CSMD1: variants seen among roughly 807,000 people sequenced by gnomAD.
CSMD1 encodes CUB and Sushi multiple domains 1, also known as CUB and sushi domain-containing protein 1.
In CSMD1, 213 loss-of-function variants were observed where a neutral mutation model predicts 417.5. The observed-to-expected ratio is 0.51, with a 90% CI of 0.46 to 0.57. The LOEUF is 0.57. CSMD1 is among the 20% of genes least tolerant of loss of function. The pLI is 0.00. For missense variants in CSMD1, 6,923 were observed against 4,529.7 expected (o/e 1.53, Z -15.17); for synonymous variants, 2,862 against 1,736.8 (o/e 1.65, Z -16.11).
At chr8:3,357,326 A>G (rs936082241) in intron 21 of CSMD1, among the ~76,000 whole-genome samples, 2 of 152,168 alleles carry the variant, frequency 1.3e-5, no homozygotes, top group Non-Finnish European at 2.9e-5. Flanking sequence ...CCTTGGGCAA[A>G]GTTTGTAGAG....
At chr8:4,050,828 T>A (rs1798386921) in intron 3 of CSMD1, among the ~76,000 whole-genome samples, 1 of 152,178 alleles carries the variant, frequency 6.6e-6, no homozygotes, top group Admixed American at 6.5e-5. Context: ...CAAGTGCCAA[T>A]TTTTAAAATT....
intron 5 of CSMD1, among the ~76,000 whole-genome samples, chr8:3,964,506 A>G (rs1812544285): frequency 6.6e-6 from 1 of 152,180 alleles, no homozygotes; most frequent in African/African-American, 2.4e-5. Context: ...CTAGCCTGCC[A>G]TACTCCAAGC....
intron 1 of CSMD1, among the ~76,000 whole-genome samples, chr8:4,921,455 G>A (rs867391013): frequency 2.6e-5 from 4 of 152,200 alleles, no homozygotes; most frequent in South Asian, 2.1e-4. Flanking sequence ...AGATAAGAAT[G>A]TCTTTATACT....
At chr8:4,202,611 G>A (rs901775902) in intron 3 of CSMD1, among the ~76,000 whole-genome samples, 1 of 152,162 alleles carries the variant, frequency 6.6e-6, no homozygotes, top group South Asian at 2.1e-4. Context: ...ATCTCTTTGA[G>A]TATCATGGTG....
intron 3 of CSMD1, among the ~76,000 whole-genome samples, chr8:4,057,467 C>T (rs1051650826): frequency 1.3e-5 from 2 of 152,108 alleles, no homozygotes; most frequent in African/African-American, 4.8e-5. Context: ...TGAAAATTTT[C>T]ACCCATTTTG....
intron 7 of CSMD1, among the ~76,000 whole-genome samples, chr8:3,666,939 G>C (rs934728157): frequency 1.3e-5 from 2 of 152,188 alleles, no homozygotes; most frequent in Non-Finnish European, 1.5e-5. Flanking sequence ...AGGTGTAAGA[G>C]ATAGAGAAAT....
At chr8:3,557,530 C>G (rs1379332696) in intron 10 of CSMD1, among the ~76,000 whole-genome samples, 5 of 152,184 alleles carry the variant, frequency 3.3e-5, no homozygotes, top group East Asian at 1.9e-4. Context: ...AACAAACACT[C>G]TTTAAAAAGA....
chr8:4,439,138 C>T (rs1007039659), intron 2 of CSMD1, among the ~76,000 whole-genome samples: 1 of 152,094 alleles, frequency 6.6e-6, no homozygotes, highest in Non-Finnish European at 1.5e-5. Context: ...TCTATATCAC[C>T]TTGTTACTGC....
chr8:3,522,452 G>A (rs946577947), intron 10 of CSMD1, among the ~76,000 whole-genome samples: 1 of 152,170 alleles, frequency 6.6e-6, no homozygotes, highest in Admixed American at 6.5e-5. Flanking sequence ...CAGGCAAAGA[G>A]ACAGCTGCAT....
chr8:4,809,543 T>C (rs558666920), intron 1 of CSMD1, among the ~76,000 whole-genome samples: 365 of 152,294 alleles, frequency 2.4e-3, no homozygotes, highest in African/African-American at 8.5e-3. Flanking sequence ...AAAGAGGCCT[T>C]AGGTTTAAAA....
intron 4 of CSMD1, among the ~76,000 whole-genome samples, chr8:4,012,152 T>C (rs1182581410): frequency 1.3e-5 from 2 of 152,164 alleles, no homozygotes; most frequent in Non-Finnish European, 2.9e-5. Context: ...CCACATTTCA[T>C]TGAAACTGGA....
chr8:3,513,773 A>G (rs1385569615), intron 10 of CSMD1, among the ~76,000 whole-genome samples: 5 of 152,220 alleles, frequency 3.3e-5, no homozygotes, highest in Admixed American at 6.5e-5. Flanking sequence ...AGCTTCACCA[A>G]ACACATGAGA....
intron 1 of CSMD1, among the ~76,000 whole-genome samples, chr8:4,916,809 G>C (rs1046026952): frequency 6.6e-6 from 1 of 152,198 alleles, no homozygotes; most frequent in Non-Finnish European, 1.5e-5. Flanking sequence ...TATATTAAAA[G>C]TAGATAATGC....
At chr8:3,428,568 C>G (rs931459356) in intron 12 of CSMD1, among the ~76,000 whole-genome samples, 7 of 152,134 alleles carry the variant, frequency 4.6e-5, no homozygotes, top group Admixed American at 2.6e-4. Context: ...TGTCAGCAAA[C>G]ATTTAGAAAA....
intron 5 of CSMD1, among the ~76,000 whole-genome samples, chr8:3,821,019 C>T (rs139711210): frequency 0.022 from 3,339 of 152,126 alleles, 47 homozygotes; most frequent in African/African-American, 0.038. Context: ...CGGGTTCAAG[C>T]GATTCTCCCG....
At chr8:3,464,384 G>C (rs570139683) in intron 12 of CSMD1, among the ~76,000 whole-genome samples, 93 of 152,130 alleles carry the variant, frequency 6.1e-4, no homozygotes, top group Non-Finnish European at 9.3e-4. Flanking sequence ...GGTTATGAGG[G>C]AACCCAACTT....
intron 5 of CSMD1, among the ~76,000 whole-genome samples, chr8:3,796,454 TAG>T (rs1181560797): frequency 5.8e-5 from 8 of 138,432 alleles, no homozygotes; most frequent in African/African-American, 1.8e-4. Flanking sequence ...TGTATAGATA[TAG>T]ATATCTATCA....
chr8:4,820,821 A>G lies in CSMD1; in HGVS notation c.85+173511T>C, dbSNP rs577127259. On this transcript the variant is annotated intron_variant, in intron 1 of 69. Transcript: ENST00000635120. ...CAATAAGATGAAGACAGTAACTGTA[A>G]TACTTGTTGCAAGCTAAATACTAAT... Among the ~76,000 whole-genome samples, 30 of 152,332 alleles carry G rather than the reference A, an allele frequency of 2.0e-4. 1 individual carries two copies. The South Asian group carries it at 5.8e-3, about 29-fold the overall frequency.
intron 29 of CSMD1, among the ~76,000 whole-genome samples, chr8:3,217,495 T>A (rs1195210034): frequency 6.6e-6 from 1 of 152,180 alleles, no homozygotes; most frequent in African/African-American, 2.4e-5. Flanking sequence ...CTCACAATTA[T>A]ATGAGGAATT....
Sources: gnomAD v4.1 joint callset for allele counts (sites outside exome capture counted in the v4.1 genomes callset) on GRCh38, gnomAD v4.1.1 for gene constraint, MANE v1.5 for transcripts, NCBI Gene and HGNC (gene_info 2026-07-23, HGNC 2026-07-21) for gene names.